DPY19L2: variants seen among roughly 807,000 people sequenced by gnomAD.
The protein encoded by DPY19L2 is probable C-mannosyltransferase DPY19L2.
A neutral mutation model predicts 97.9 loss-of-function variants in DPY19L2; 34 were observed. The observed-to-expected ratio is 0.35, with a 90% CI of 0.26 to 0.46. The LOEUF is 0.46. Ranked by LOEUF, DPY19L2 falls within the 20% of genes least tolerant of loss-of-function variation. The pLI is 1.00. For missense variants in DPY19L2, 623 were observed against 911.4 expected (o/e 0.68, Z 4.07); for synonymous variants, 230 against 307.9 (o/e 0.75, Z 2.65).
intron 19 of DPY19L2, among the ~76,000 whole-genome samples, chr12:63,579,875 T>C (rs1446162570): frequency 5.9e-5 from 9 of 152,046 alleles, no homozygotes; most frequent in South Asian, 4.1e-4. Flanking sequence ...AAATAAGAAA[T>C]AAAAGGAAAC....
rs1013376538 is a variant in DPY19L2, at chr12:63,559,973, G to A, written c.*539C>T. On this transcript the variant is annotated 3_prime_UTR_variant, in exon 22 of 22. Transcript: ENST00000324472. ...AAATTATTAAAAAAAAGTATTAAAA[G>A]GTATTAGAGATCTTTCTTAAGGGCT... 5 of 152,220 alleles carry A rather than the reference G, an allele frequency of 3.3e-5. 1 individual carries two copies. The highest frequency in any genetic ancestry group is 1.2e-4 in the African/African-American group (5 of 41,512). The allele number at this position is 152,220 out of a possible 1,614,324, so 9.4% of individuals were successfully genotyped here. A position where few individuals can be genotyped will look rare whatever the true frequency, so the allele number is the denominator to read the frequency against.
intron 20 of DPY19L2, among the ~76,000 whole-genome samples, chr12:63,570,114 T>C (rs1352123037): frequency 6.6e-6 from 1 of 152,068 alleles, no homozygotes; most frequent in East Asian, 1.9e-4. Context: ...CCTCTAACAA[T>C]AGGCCAAAAA....
At chr12:63,578,057 A>G (rs887226945) in intron 19 of DPY19L2, among the ~76,000 whole-genome samples, 4 of 152,134 alleles carry the variant, frequency 2.6e-5, no homozygotes, top group African/African-American at 9.7e-5. Flanking sequence ...GTCCATCAAC[A>G]GGTGAATGGA....
chr12:63,646,769 A>T (rs1315879035), intron 5 of DPY19L2, among the ~76,000 whole-genome samples: 3 of 152,190 alleles, frequency 2.0e-5, no homozygotes, highest in African/African-American at 4.8e-5. Context: ...ATAAATAGGA[A>T]GAGTTTTATT....
intron 6 of DPY19L2, among the ~76,000 whole-genome samples, chr12:63,638,767 T>G (rs1317131770): frequency 1.3e-5 from 2 of 152,094 alleles, no homozygotes; most frequent in Admixed American, 6.6e-5. Flanking sequence ...TCGTGAAAAT[T>G]GCCATACTGC....
At chr12:63,567,878 T>C (rs1378526339) in intron 21 of DPY19L2, among the ~76,000 whole-genome samples, 1 of 152,124 alleles carries the variant, frequency 6.6e-6, no homozygotes, top group African/African-American at 2.4e-5. Context: ...GATGTTTATA[T>C]AGCACATCAT....
chr12:63,622,879 G>C (rs1481885715), intron 8 of DPY19L2, among the ~76,000 whole-genome samples: 1 of 152,136 alleles, frequency 6.6e-6, no homozygotes, highest in Non-Finnish European at 1.5e-5. Context: ...TGAGCCGATC[G>C]TGCCACTGCA....
At chr12:63,657,084 T>C (rs12581640) in intron 4 of DPY19L2, among the ~76,000 whole-genome samples, 18,150 of 152,100 alleles carry the variant, frequency 0.12, 1,183 homozygotes, top group East Asian at 0.28. Flanking sequence ...TCATAATTTT[T>C]GCTGAAAGTT....
rs1230878126 is a variant in DPY19L2, at chr12:63,580,810, A to C, written c.1752T>G (p.Val584=). The part of the protein sequence containing the change: ...RQLFGWLFRR[V]RFEKVIFGIL... The stretch of plus-strand genomic sequence containing the variant: ...TGCCAAAGATAACCTTCTCAAAACG[A>C]ACTCTGCGAAAAAGCCAGCCAAAGA... The change falls in exon 19 of 22, where the codon GTT becomes GTG. Residue 584 remains valine (V), a synonymous_variant. Coordinates refer to ENST00000324472, the MANE Select transcript of DPY19L2 (RefSeq NM_173812.5). 2.4e-5 allele frequency: 39 copies of C among 1,611,822 alleles called. No homozygotes were observed. The highest frequency in any genetic ancestry group is 3.1e-5 in the Non-Finnish European group (37 of 1,179,300).
At chr12:63,630,539 C>A (rs1193027348) in intron 6 of DPY19L2, among the ~76,000 whole-genome samples, 1 of 151,970 alleles carries the variant, frequency 6.6e-6, no homozygotes, top group Non-Finnish European at 1.5e-5. Flanking sequence ...TATATGCACC[C>A]AATACAGGAG....
intron 4 of DPY19L2, among the ~76,000 whole-genome samples, chr12:63,660,272 A>G (rs1895507429): frequency 6.6e-6 from 1 of 152,048 alleles, no homozygotes; most frequent in Non-Finnish European, 1.5e-5. Context: ...ATTGGAAATA[A>G]TATATTAAGA....
At chr12:63,643,079 A>C (rs1195470220) in intron 6 of DPY19L2, among the ~76,000 whole-genome samples, 1 of 152,052 alleles carries the variant, frequency 6.6e-6, no homozygotes, top group Non-Finnish European at 1.5e-5. Context: ...TATAAAATTT[A>C]TAATTTTGAG....
chr12:63,589,009 T>C, intron 16 of DPY19L2, among the ~76,000 whole-genome samples: 1 of 151,892 alleles, frequency 6.6e-6, no homozygotes, highest in Non-Finnish European at 1.5e-5. Flanking sequence ...CACCTTGGCC[T>C]CCCAAAATGC....
chr12:63,644,004 G>T (rs866043642), intron 6 of DPY19L2, among the ~76,000 whole-genome samples: 1 of 152,148 alleles, frequency 6.6e-6, no homozygotes, highest in Non-Finnish European at 1.5e-5. Context: ...GCTAGCAGAT[G>T]TAAGTGCCTG....
rs770320993 is a variant in DPY19L2 at position 63,594,463 on chromosome 12, T to TTGTGTGTGTG, written c.1534-331_1534-330insCACACACACA. Among the ~76,000 whole-genome samples the TTGTGTGTGTG allele has an allele frequency of 1.4e-3, 97 of 71,232 alleles. 1 individual carries two copies. The highest frequency in any genetic ancestry group is 6.4e-3 in the East Asian group (20 of 3,106). The allele number at this position is 71,232 out of a possible 152,430, so 46.7% of individuals were successfully genotyped here. A position where few individuals can be genotyped will look rare whatever the true frequency, so the allele number is the denominator to read the frequency against. ...GCTGCAGGGATGAGAGAGAGAGAGA[T>TTGTGTGTGTG]AGTGTGTGTGTGTGTGTGTGTGTGT... On this transcript the variant is annotated intron_variant, in intron 15 of 21. Coordinates refer to ENST00000324472, the MANE Select transcript of DPY19L2 (RefSeq NM_173812.5).
intron 4 of DPY19L2, 22 bp downstream of exon 4, chr12:63,661,322 T>C: frequency 1.3e-6 from 2 of 1,552,986 alleles, no homozygotes; most frequent in Non-Finnish European, 1.7e-6. Context: ...ACAAATATTA[T>C]TTGTCTCAAA....
intron 21 of DPY19L2, among the ~76,000 whole-genome samples, chr12:63,563,797 T>A (rs1877108538): frequency 6.6e-6 from 1 of 152,166 alleles, no homozygotes; most frequent in South Asian, 2.1e-4. Context: ...AAGTAATCCC[T>A]CCTTTTGAAT....
chr12:63,631,617 C>G (rs1382727300), intron 6 of DPY19L2, among the ~76,000 whole-genome samples: 1 of 152,062 alleles, frequency 6.6e-6, no homozygotes, highest in Non-Finnish European at 1.5e-5. Context: ...AGAGTCACAG[C>G]CCAATTCTAC....
intron 16 of DPY19L2, 86 bp downstream of exon 16, chr12:63,594,001 G>C: frequency 1.1e-6 from 1 of 873,766 alleles, no homozygotes; most frequent in South Asian, 1.7e-5. Context: ...AAAGTTTAAT[G>C]CATATTCATT....
Sources: gnomAD v4.1 joint callset for allele counts (sites outside exome capture counted in the v4.1 genomes callset) on GRCh38, gnomAD v4.1.1 for gene constraint, MANE v1.5 for transcripts, NCBI Gene and HGNC (gene_info 2026-07-23, HGNC 2026-07-21) for gene names.